USP15: variants seen among roughly 807,000 people sequenced by gnomAD.
USP15 encodes ubiquitin specific peptidase 15.
In USP15, 18 loss-of-function variants were observed where a neutral mutation model predicts 127.1. The observed-to-expected ratio is 0.14, with a 90% confidence interval of 0.10 to 0.21. The LOEUF (loss-of-function observed/expected upper bound fraction) is 0.21, where lower values mean the gene tolerates loss of function less well. Among genes scored for constraint, USP15 ranks in the 10% least tolerant of loss-of-function variants. The probability of loss-of-function intolerance (pLI) is 1.00; values close to 1 mark genes in which losing one functional copy is unlikely to be tolerated. For synonymous variants in USP15, 364 were observed against 393.7 expected, an observed-to-expected ratio of 0.92 and a Z score of 0.89; for missense variants, 805 against 1,159.9, an observed-to-expected ratio of 0.69 and a Z score of 4.44.
At chr12:62,388,287 C>T (rs2067221293) in intron 11 of USP15, among the ~76,000 whole-genome samples, 2 of 151,952 alleles carry the variant, frequency 1.3e-5, no homozygotes, top group Admixed American at 6.6e-5. Context: ...TGTGCGCCTC[C>T]GAGCCCAGCT....
chr12:62,296,104 C>G (rs2064119949), intron 2 of USP15, among the ~76,000 whole-genome samples: 1 of 152,178 alleles, frequency 6.6e-6, no homozygotes, highest in African/African-American at 2.4e-5. Flanking sequence ...CAGGCAGCCT[C>G]TAGGAACAGA....
At chr12:62,337,293 G>T (rs990081108) in intron 6 of USP15, among the ~76,000 whole-genome samples, 4 of 152,038 alleles carry the variant, frequency 2.6e-5, no homozygotes, top group Non-Finnish European at 5.9e-5. Context: ...TCATGCTGCT[G>T]ATAAAGACAT....
intron 6 of USP15, among the ~76,000 whole-genome samples, chr12:62,341,543 T>G (rs1478581941): frequency 6.6e-6 from 1 of 152,210 alleles, no homozygotes; most frequent in Non-Finnish European, 1.5e-5. Flanking sequence ...TATTTAGTGC[T>G]TCCTTCAGGA....
chr12:62,346,042 C>T (rs973515424), intron 6 of USP15, among the ~76,000 whole-genome samples: 1 of 152,116 alleles, frequency 6.6e-6, no homozygotes, highest in South Asian at 2.1e-4. Flanking sequence ...CATAACCACA[C>T]GTAGTCGTTT....
intron 2 of USP15, among the ~76,000 whole-genome samples, chr12:62,295,696 A>G (rs1465254109): frequency 6.6e-6 from 1 of 152,248 alleles, no homozygotes; most frequent in Non-Finnish European, 1.5e-5. Context: ...CACCTCAACT[A>G]AAGGTAGTGA....
At position 62,335,552 on chromosome 12, in the gene USP15, A is replaced by G. The variant is rs368919309; in HGVS notation, c.683+9619A>G. ...TTTTATTATCTCCTCTCTCCTACATATATAAATGCCTAGCATAGTGCCACA... is the reference window on the plus strand; with the variant it reads ...TTTTATTATCTCCTCTCTCCTACATGTATAAATGCCTAGCATAGTGCCACA... On this transcript the variant is annotated intron_variant, in intron 6 of 21. Coordinates refer to ENST00000280377, the MANE Select transcript of USP15 (RefSeq NM_001252078.2). 29 of 1,065,014 alleles carry G rather than the reference A, an allele frequency of 2.7e-5. No individual in the cohort carries two copies. In the South Asian group the frequency reaches 3.6e-4, roughly 13 times the overall value. 66.0% of individuals were successfully genotyped at this position (1,065,014 alleles called of 1,614,324 possible). A position where few individuals can be genotyped will look rare whatever the true frequency, so the allele number is the denominator to read the frequency against.
chr12:62,312,692 C>A (rs2064717977), intron 3 of USP15, among the ~76,000 whole-genome samples: 1 of 151,498 alleles, frequency 6.6e-6, no homozygotes, highest in South Asian at 2.1e-4. Flanking sequence ...GAATATCCCC[C>A]TTCCGATCTT....
rs559755442 is a variant in USP15, at chr12:62,272,533, A to G, written c.89+12030A>G. On this transcript the variant is annotated intron_variant, in intron 1 of 21. Coordinates refer to ENST00000280377, the MANE Select transcript of USP15 (RefSeq NM_001252078.2). ...TGGAATTTCCACATATTCCTTTTAT[A>G]CTCTGTTGTATCTGGAACTATTTCT... 5.3e-5 allele frequency among the ~76,000 whole-genome samples: 8 copies of G among 151,908 alleles called. No individual in the cohort carries two copies. The East Asian group carries it at 5.8e-4, about 11-fold the overall frequency.
Position 62,361,212 on chromosome 12 carries a change from C to T in USP15, c.915+5737C>T, listed in dbSNP as rs371210790. On this transcript the variant is annotated intron_variant, in intron 8 of 21. Coordinates refer to ENST00000280377, the MANE Select transcript of USP15 (RefSeq NM_001252078.2). The stretch of plus-strand genomic sequence containing the variant: ...GGTATCTCTAAAAGAATGCCTTGCA[C>T]TTGTGTAACTTGGCTAATAATGATT... 2.6e-5 allele frequency among the ~76,000 whole-genome samples: 4 copies of T among 152,016 alleles called. No individual in the cohort carries two copies. In the East Asian group the frequency reaches 7.7e-4, roughly 29 times the overall value.
chr12:62,313,224 C>T (rs1046693579), intron 3 of USP15, among the ~76,000 whole-genome samples: 6 of 151,526 alleles, frequency 4.0e-5, no homozygotes, highest in Non-Finnish European at 7.4e-5. Context: ...ATAGATCTCA[C>T]AATAACTCTG....
At chr12:62,393,774 G>A (rs2067394106) in intron 19 of USP15, 1 of 152,236 alleles carries the variant, frequency 6.6e-6, no homozygotes, top group Admixed American at 6.6e-5. Flanking sequence ...TACAGACGAG[G>A]TTTCACCATA....
intron 8 of USP15, among the ~76,000 whole-genome samples, chr12:62,376,610 A>C (rs1000711875): frequency 2.0e-5 from 3 of 152,210 alleles, no homozygotes; most frequent in Admixed American, 6.5e-5. Context: ...CACAAAACTT[A>C]TAAGTAGCCA....
intron 2 of USP15, among the ~76,000 whole-genome samples, chr12:62,297,733 G>T (rs2064176849): frequency 6.6e-6 from 1 of 152,170 alleles, no homozygotes; most frequent in African/African-American, 2.4e-5. Context: ...GAGAGAGGTG[G>T]CTGTTTCTTC....
At chr12:62,395,197 C>A (rs768142128) in intron 19 of USP15, among the ~76,000 whole-genome samples, 7 of 151,976 alleles carry the variant, frequency 4.6e-5, no homozygotes, top group Non-Finnish European at 8.8e-5. Context: ...CTTTTTTAAT[C>A]TCTGACCCTG....
At chr12:62,325,417 C>T (rs1015385402) in intron 5 of USP15, among the ~76,000 whole-genome samples, 3 of 151,998 alleles carry the variant, frequency 2.0e-5, no homozygotes, top group African/African-American at 4.8e-5. Flanking sequence ...TTATCTGTGT[C>T]GCCCTTCGTC....
chr12:62,264,371 C>T (rs1432525311), intron 1 of USP15, among the ~76,000 whole-genome samples: 1 of 152,150 alleles, frequency 6.6e-6, no homozygotes, highest in African/African-American at 2.4e-5. Flanking sequence ...TCGTTTCCAC[C>T]ATTTTTATTA....
In USP15 at chr12:62,409,041, T is replaced by C. The variant is rs1015978330; in HGVS notation, c.*4666T>C. The C allele has an allele frequency of 6.6e-6, 1 of 151,968 alleles. No homozygotes were observed. The highest frequency in any genetic ancestry group is 1.5e-5 in the Non-Finnish European group (1 of 67,996). 9.4% of individuals were successfully genotyped at this position (151,968 alleles called of 1,614,324 possible). ...GAAAATAAAATATAGATGGTAAAAA[T>C]TCAAATATTTATCAAGACTTTTTTC... On this transcript the variant is annotated 3_prime_UTR_variant, in exon 22 of 22. Transcript: ENST00000280377.
intron 8 of USP15, among the ~76,000 whole-genome samples, chr12:62,362,948 C>A (rs1237651975): frequency 6.6e-6 from 1 of 151,946 alleles, no homozygotes; most frequent in Non-Finnish European, 1.5e-5. Flanking sequence ...TTAGAAGGAC[C>A]AAAAACATGT....
intron 9 of USP15, 62 bp downstream of exon 9, chr12:62,381,725 G>A: frequency 2.0e-6 from 3 of 1,521,040 alleles, no homozygotes; most frequent in Non-Finnish European, 2.7e-6. Context: ...TGGTTCTTGG[G>A]GATAGGGGGA....
Sources: allele counts gnomAD v4.1 joint callset (sites outside exome capture counted in the v4.1 genomes callset), GRCh38; gene constraint gnomAD v4.1.1; transcripts MANE v1.5; gene names NCBI Gene and HGNC (gene_info 2026-07-23, HGNC 2026-07-21).